The following HECA variants were observed in gnomAD, a reference collection of about 807,000 sequenced individuals.
HECA encodes HECA ribonucleoprotein granule regulator.
In HECA, 13 loss-of-function variants were observed where a neutral mutation model predicts 37.6. The ratio of observed to expected loss-of-function variants is 0.35; its 90% CI spans 0.23 to 0.55. HECA has a LOEUF of 0.55. HECA is among the 20% of genes least tolerant of loss of function. The pLI, the probability that HECA is intolerant of heterozygous loss-of-function variation, is 0.90. For synonymous variants in HECA, 307 were observed against 291.5 expected (o/e 1.05, Z -0.54); for missense variants, 527 against 701.9 (o/e 0.75, Z 2.82).
intron 1 of HECA, among the ~76,000 whole-genome samples, chr6:139,156,706 C>A (rs1426769694): frequency 6.6e-6 from 1 of 152,214 alleles, no homozygotes; most frequent in African/African-American, 2.4e-5. Context: ...AGAAATACAG[C>A]ACAATGACGG....
At chr6:139,155,567 T>C (rs1774701647) in intron 1 of HECA, 1 of 152,212 alleles carries the variant, frequency 6.6e-6, no homozygotes, top group African/African-American at 2.4e-5. Flanking sequence ...TGACTGTATA[T>C]GCACACGTAC....
chr6:139,175,471 T>C (rs1775038327), intron 3 of HECA, among the ~76,000 whole-genome samples: 1 of 152,242 alleles, frequency 6.6e-6, no homozygotes, highest in Admixed American at 6.5e-5. Flanking sequence ...ATAGTTATTG[T>C]GCCTTGATGC....
In HECA at chr6:139,135,354, C is replaced by T; in HGVS notation, c.-43C>T. ...GGAACGGCCGTGCCTCTGGGATCCG[C>T]CTTCGCTGACGCCGGGCACCTACCT... On this transcript the variant is annotated 5_prime_UTR_variant, in exon 1 of 4. Coordinates refer to ENST00000367658, the MANE Select transcript of HECA (RefSeq NM_016217.3). 2 of 1,292,434 alleles carry T rather than the reference C, an allele frequency of 1.5e-6. No homozygotes were observed. The highest frequency in any genetic ancestry group is 2.0e-6 in the Non-Finnish European group (2 of 992,634). The allele number at this position is 1,292,434 out of a possible 1,614,324, so 80.1% of individuals were successfully genotyped here. A position where few individuals can be genotyped will look rare whatever the true frequency, so the allele number is the denominator to read the frequency against.
Position 139,180,220 on chromosome 6 carries a change from TGGG to T in HECA, c.*3118_*3120del, listed in dbSNP as rs1775115638. ...GAGTAAAAGGTATTTTCATATATGT[TGGG>T]GGAAAATTAACTCATCTAAAAAGAA... On this transcript the variant is annotated 3_prime_UTR_variant, in exon 4 of 4. Coordinates refer to ENST00000367658, the MANE Select transcript of HECA (RefSeq NM_016217.3). 1 of 152,194 alleles carries T rather than the reference TGGG, an allele frequency of 6.6e-6. No homozygotes were observed. The highest frequency in any genetic ancestry group is 6.5e-5 in the Admixed American group (1 of 15,284). The allele number at this position is 152,194 out of a possible 1,614,324, so 9.4% of individuals were successfully genotyped here.
intron 1 of HECA, among the ~76,000 whole-genome samples, chr6:139,164,384 G>A (rs577661923): frequency 1.3e-5 from 2 of 152,208 alleles, no homozygotes; most frequent in East Asian, 3.9e-4. Context: ...GTATCATGAT[G>A]GGGAAGGTGG....
intron 1 of HECA, among the ~76,000 whole-genome samples, chr6:139,153,836 A>C (rs758565876): frequency 6.6e-6 from 1 of 152,224 alleles, no homozygotes; most frequent in South Asian, 2.1e-4. Flanking sequence ...TCATCCTATC[A>C]TATTTTCCTA....
At chr6:139,163,353 T>C (rs1383833743) in intron 1 of HECA, among the ~76,000 whole-genome samples, 13 of 13,814 alleles carry the variant, frequency 9.4e-4, no homozygotes, top group East Asian at 4.3e-3. Flanking sequence ...TTCTCCATTC[T>C]TTTTTTTTTT....
chr6:139,160,949 A>G (rs927137618), intron 1 of HECA, among the ~76,000 whole-genome samples: 2 of 152,166 alleles, frequency 1.3e-5, no homozygotes, highest in African/African-American at 4.8e-5. Context: ...AAAACTGCTC[A>G]ATGTCAAACA....
chr6:139,174,673 T>C (rs1045569151), intron 3 of HECA, 134 bp downstream of exon 3: 3 of 1,289,284 alleles, frequency 2.3e-6, no homozygotes, highest in Non-Finnish European at 3.1e-6. Flanking sequence ...ACTTGTAATG[T>C]AGTCATTTAG....
intron 1 of HECA, among the ~76,000 whole-genome samples, chr6:139,146,753 G>A (rs959956812): frequency 2.0e-5 from 3 of 152,148 alleles, no homozygotes; most frequent in Non-Finnish European, 1.5e-5. Flanking sequence ...GAAAACATAG[G>A]GAAGCTCAAA....
intron 1 of HECA, among the ~76,000 whole-genome samples, chr6:139,137,581 C>T (rs1165032423): frequency 6.6e-6 from 1 of 150,862 alleles, no homozygotes; most frequent in Non-Finnish European, 1.5e-5. Flanking sequence ...AGCTTGCATT[C>T]CTGTTCTGGT....
intron 1 of HECA, among the ~76,000 whole-genome samples, chr6:139,154,473 A>G (rs1774689862): frequency 6.6e-6 from 1 of 152,240 alleles, no homozygotes; most frequent in Admixed American, 6.5e-5. Context: ...TAGACATCAT[A>G]TCACCTATTA....
At chr6:139,164,108 T>A (rs1774848650) in intron 1 of HECA, among the ~76,000 whole-genome samples, 2 of 148,366 alleles carry the variant, frequency 1.3e-5, no homozygotes. Context: ...TCTGAGCATC[T>A]TCTCACACTG....
At chr6:139,174,586 T>C in intron 3 of HECA, 47 bp downstream of exon 3, 1 of 1,587,560 alleles carries the variant, frequency 6.3e-7, no homozygotes, top group Non-Finnish European at 8.6e-7. Context: ...ATTAGGCTTC[T>C]GTCCCCAAGT....
rs1367704336 is a variant in HECA, at chr6:139,180,203, G to GAA, written c.*3098_*3099insAA. 2.6e-5 allele frequency: 4 copies of GAA among 152,210 alleles called. No homozygotes were observed. The highest frequency in any genetic ancestry group is 1.9e-4 in the East Asian group (1 of 5,174). 9.4% of individuals were successfully genotyped at this position (152,210 alleles called of 1,614,324 possible). On this transcript the variant is annotated 3_prime_UTR_variant, in exon 4 of 4. Transcript: ENST00000367658. ...CAAGAAGTTCATTTTCTGAGTAAAAGGTATTTTCATATATGTTGGGGGAAA... is the reference window on the plus strand; with the variant it reads ...CAAGAAGTTCATTTTCTGAGTAAAAGAAGTATTTTCATATATGTTGGGGGAAA...
chr6:139,156,540 T>C (rs1774714963), intron 1 of HECA, among the ~76,000 whole-genome samples: 1 of 152,230 alleles, frequency 6.6e-6, no homozygotes, highest in South Asian at 2.1e-4. Flanking sequence ...CTAAGTGTGC[T>C]AATACTGGTG....
At chr6:139,136,283 AAAAGAAAAG>A (rs1368423664) in intron 1 of HECA, among the ~76,000 whole-genome samples, 1 of 150,240 alleles carries the variant, frequency 6.7e-6, no homozygotes, top group East Asian at 1.9e-4. Context: ...AAAAAAAAAA[AAAAGAAAAG>A]AAAGAAAAGA....
At chr6:139,161,125 G>A (rs376993712) in intron 1 of HECA, among the ~76,000 whole-genome samples, 2 of 152,010 alleles carry the variant, frequency 1.3e-5, no homozygotes, top group African/African-American at 2.4e-5. Flanking sequence ...AATAATGTCC[G>A]AGTTTAGAGG....
intron 1 of HECA, among the ~76,000 whole-genome samples, chr6:139,156,809 G>A (rs1774723775): frequency 1.3e-5 from 2 of 152,210 alleles, no homozygotes; most frequent in African/African-American, 4.8e-5. Context: ...TCAGGACCAT[G>A]TCCCATGAGT....
Sources: allele counts gnomAD v4.1 joint callset (sites outside exome capture counted in the v4.1 genomes callset), GRCh38; gene constraint gnomAD v4.1.1; transcripts MANE v1.5; gene names NCBI Gene and HGNC (gene_info 2026-07-23, HGNC 2026-07-21).